The following ZNF519 variants were observed in gnomAD, a reference collection of about 807,000 sequenced individuals.
The protein encoded by ZNF519 is zinc finger protein 519.
In ZNF519, 7 loss-of-function variants were observed where a neutral mutation model predicts 7.4. That is an observed-to-expected ratio of 0.94 (90% CI 0.54 to 1.77). The LOEUF (loss-of-function observed/expected upper bound fraction) is 1.77. Among genes scored for constraint, ZNF519 ranks in the 40% most tolerant of loss-of-function variants. The pLI, the probability that ZNF519 is intolerant of heterozygous loss-of-function variation, is 0.00. For synonymous variants in ZNF519, 179 were observed against 203.3 expected (o/e 0.88, Z 1.02); for missense variants, 586 against 623.1 (o/e 0.94, Z 0.63).
chr18:14,091,645 T>C (rs1159773949), intron 2 of ZNF519, among the ~76,000 whole-genome samples: 1 of 152,064 alleles, frequency 6.6e-6, no homozygotes. Flanking sequence ...AAAAGGCAGA[T>C]ACCAAACAAT....
At chr18:14,123,107 C>T (rs979808370) in intron 2 of ZNF519, 1 of 213,048 alleles carries the variant, frequency 4.7e-6, no homozygotes, top group African/African-American at 2.4e-5. Context: ...CATTCACCCT[C>T]ACTTACTTGG....
Position 14,104,434 on chromosome 18 carries a change from G to C in ZNF519, c.*483C>G, listed in dbSNP as rs750957018. 45 of 153,470 alleles carry C rather than the reference G, an allele frequency of 2.9e-4. No homozygotes were observed. Among genetic ancestry groups the C allele is most frequent in the Non-Finnish European group, 8.7e-5 (6 of 69,092 alleles). 9.5% of individuals were successfully genotyped at this position (153,470 alleles called of 1,614,324 possible). ...ATGGGAAACTTGTGAATGACGTCAT[G>C]AGACATGTGAATGATGACATGTGAA... On this transcript the variant is annotated 3_prime_UTR_variant, in exon 3 of 3. Coordinates refer to ENST00000590202, the MANE Select transcript of ZNF519 (RefSeq NM_145287.4).
chr18:14,089,777 AAAAT>A (rs758371546), intron 2 of ZNF519, among the ~76,000 whole-genome samples: 1 of 152,204 alleles, frequency 6.6e-6, no homozygotes, highest in Non-Finnish European at 1.5e-5. Context: ...TTAAAGGAAA[AAAAT>A]AATCATTAAA....
intron 1 of ZNF519, among the ~76,000 whole-genome samples, chr18:14,126,310 C>G: frequency 6.6e-6 from 1 of 152,312 alleles, no homozygotes; most frequent in East Asian, 1.9e-4. Context: ...TTAGCCACTT[C>G]CCTATTTTGT....
At chr18:14,098,051 C>A (rs190872964), downstream of ZNF519, among the ~76,000 whole-genome samples, 1 of 152,166 alleles carries the variant, frequency 6.6e-6, no homozygotes, top group East Asian at 1.9e-4. Context: ...CAATGATAGA[C>A]CCTCATACAC....
At chr18:14,081,876 A>C (rs78071218) in intron 3 of ZNF519, among the ~76,000 whole-genome samples, 8,099 of 152,254 alleles carry the variant, frequency 0.053, 334 homozygotes, top group Non-Finnish European at 0.085. Flanking sequence ...AATTCACATT[A>C]AGGGTAAATG....
chr18:14,082,029 T>C (rs2046072561), intron 3 of ZNF519: 1 of 151,888 alleles, frequency 6.6e-6, no homozygotes. Flanking sequence ...TTAGTCCACA[T>C]CAAAGATATA....
chr18:14,081,334 A>T (rs1439632124), intron 3 of ZNF519, among the ~76,000 whole-genome samples: 1 of 145,922 alleles, frequency 6.9e-6, no homozygotes, highest in East Asian at 1.9e-4. Flanking sequence ...TTGCAATGGG[A>T]ACATATGGGC....
downstream of ZNF519, chr18:14,071,374 A>G (rs892608502): frequency 1.4e-4 from 22 of 152,198 alleles, no homozygotes; most frequent in African/African-American, 5.1e-4. Flanking sequence ...ACATGCATAT[A>G]CAGACATAGA....
chr18:14,110,608 G>T (rs2046215198), intron 2 of ZNF519, among the ~76,000 whole-genome samples: 2 of 152,012 alleles, frequency 1.3e-5, no homozygotes, highest in Non-Finnish European at 1.5e-5. Context: ...ACTAATCAGA[G>T]AAATACAAAT....
Position 14,105,354 on chromosome 18 carries a change from T to G in ZNF519, c.1186A>C (p.Arg396=). 2.5e-6 allele frequency: 4 copies of G among 1,614,126 alleles called. No homozygotes were observed. Among genetic ancestry groups the G allele is most frequent in the Non-Finnish European group, 3.4e-6 (4 of 1,180,010 alleles). Residue 396 remains arginine, a synonymous_variant, in exon 3 of 3, where the codon AGA becomes CGA. Coordinates refer to ENST00000590202, the MANE Select transcript of ZNF519 (RefSeq NM_145287.4). ...AAAGGTTTCTCTCCAGTATGCATTCTCTGATGCTGAGTAACGTATGAGCTT... is the reference window on the plus strand; with the variant it reads ...AAAGGTTTCTCTCCAGTATGCATTCGCTGATGCTGAGTAACGTATGAGCTT... The part of the protein sequence containing the change: ...NRSSYVTQHQ[R]MHTGEKPFKC...
At chr18:14,079,588 C>T (rs2143076754) in intron 3 of ZNF519, among the ~76,000 whole-genome samples, 1 of 152,228 alleles carries the variant, frequency 6.6e-6, no homozygotes, top group Non-Finnish European at 1.5e-5. Flanking sequence ...GAACAGAGAA[C>T]CTAGAAATAG....
At chr18:14,132,115 C>G (rs531303342) in intron 1 of ZNF519, among the ~76,000 whole-genome samples, 160 bp downstream of exon 1, 3 of 152,224 alleles carry the variant, frequency 2.0e-5, no homozygotes, top group African/African-American at 7.2e-5. Flanking sequence ...CCAAAGCCGC[C>G]GTGCAGGGAC....
chr18:14,111,674 A>G (rs1306394263), intron 2 of ZNF519, among the ~76,000 whole-genome samples: 1 of 152,174 alleles, frequency 6.6e-6, no homozygotes, highest in Non-Finnish European at 1.5e-5. Flanking sequence ...CATAAATTGG[A>G]AAATCTAGAA....
intron 4 of ZNF519, among the ~76,000 whole-genome samples, chr18:14,077,946 C>A (rs942111966): frequency 1.3e-5 from 2 of 152,146 alleles, no homozygotes; most frequent in African/African-American, 2.4e-5. Flanking sequence ...CTTTTTGGCA[C>A]CTGGGACCCG....
intron 3 of ZNF519, among the ~76,000 whole-genome samples, chr18:14,079,174 T>C (rs1327999880): frequency 1.3e-5 from 2 of 152,188 alleles, no homozygotes; most frequent in East Asian, 3.8e-4. Context: ...GTGACTTGTC[T>C]ACAGAATATG....
At chr18:14,123,159 CT>C in intron 2 of ZNF519, 2 of 253,636 alleles carry the variant, frequency 7.9e-6, no homozygotes, top group Non-Finnish European at 8.1e-6. Flanking sequence ...TTGTAAGGCT[CT>C]TTTCTTTGCT....
chr18:14,096,861 C>A (rs2046138963), downstream of ZNF519, among the ~76,000 whole-genome samples: 1 of 152,182 alleles, frequency 6.6e-6, no homozygotes, highest in African/African-American at 2.4e-5. Flanking sequence ...GAGTTCCCTT[C>A]CTGTGAGTTC....
downstream of ZNF519, chr18:14,074,645 C>T (rs2046040859): frequency 6.6e-6 from 1 of 152,416 alleles, no homozygotes. Flanking sequence ...GTCACCTTTG[C>T]TCCAGTTTCC....
Sources: gnomAD v4.1 joint callset for allele counts (sites outside exome capture counted in the v4.1 genomes callset) on GRCh38, gnomAD v4.1.1 for gene constraint, MANE v1.5 for transcripts, NCBI Gene and HGNC (gene_info 2026-07-23, HGNC 2026-07-21) for gene names.